Variants in SLC25A40 observed in about 807,000 individuals in gnomAD.
SLC25A40 encodes mitochondrial glutathione transporter SLC25A40.
In SLC25A40, 41 loss-of-function variants were observed where a neutral mutation model predicts 46.5. The observed-to-expected ratio is 0.88, with a 90% CI of 0.69 to 1.14. The LOEUF (loss-of-function observed/expected upper bound fraction) is 1.14. Ranked by LOEUF, SLC25A40 falls within the 50% of genes most tolerant of loss-of-function variation. The pLI is 0.00. For missense variants in SLC25A40, 386 were observed against 393.6 expected (o/e 0.98, Z 0.16); for synonymous variants, 126 against 127.5 (o/e 0.99, Z 0.08).
intron 8 of SLC25A40, among the ~76,000 whole-genome samples, chr7:87,845,695 A>C (rs1289117415): frequency 6.6e-6 from 1 of 152,110 alleles, no homozygotes; most frequent in Admixed American, 6.5e-5. Context: ...TGAAATTGAA[A>C]ACCTATTTCA....
chr7:87,868,483 C>T (rs1385329755), intron 1 of SLC25A40, among the ~76,000 whole-genome samples: 2 of 152,190 alleles, frequency 1.3e-5, no homozygotes, highest in African/African-American at 4.8e-5. Context: ...AAGACTGCCT[C>T]CCCACCTTCA....
At chr7:87,854,409 T>C (rs1838570335) in intron 4 of SLC25A40, 99 bp from the exon 5 acceptor site, 1 of 693,894 alleles carries the variant, frequency 1.4e-6, no homozygotes, top group Admixed American at 2.7e-5. Context: ...ACTAGAAAAT[T>C]ACGAAAAGAG....
At chr7:87,857,004 ACAT>A (rs1838624742) in intron 3 of SLC25A40, among the ~76,000 whole-genome samples, 1 of 152,200 alleles carries the variant, frequency 6.6e-6, no homozygotes, top group Admixed American at 6.5e-5. Context: ...ACCTGAAAAT[ACAT>A]CATAAGCAAT....
At chr7:87,852,644 A>G (rs1211960511) in intron 5 of SLC25A40, among the ~76,000 whole-genome samples, 2 of 152,246 alleles carry the variant, frequency 1.3e-5, no homozygotes, top group African/African-American at 2.4e-5. Flanking sequence ...AGGTGCAATA[A>G]TTAGGACTGT....
intron 1 of SLC25A40, among the ~76,000 whole-genome samples, chr7:87,863,067 T>C (rs1285952849): frequency 1.3e-5 from 2 of 152,230 alleles, no homozygotes; most frequent in Non-Finnish European, 2.9e-5. Context: ...TGCATATTTT[T>C]ATCAGTAGTA....
At chr7:87,841,808 A>AATT in intron 9 of SLC25A40, 94 bp from the exon 10 acceptor site, 1 of 616,762 alleles carries the variant, frequency 1.6e-6, no homozygotes, top group South Asian at 3.5e-5. Flanking sequence ...ATTTAAGGAT[A>AATT]ATGAAAACAA....
chr7:87,848,386 G>C (rs1202524325), intron 6 of SLC25A40, among the ~76,000 whole-genome samples: 1 of 152,096 alleles, frequency 6.6e-6, no homozygotes, highest in Non-Finnish European at 1.5e-5. Flanking sequence ...TTTAGGGACA[G>C]AGCAAGACTG....
Position 87,834,278 on chromosome 7 carries a change from A to C in SLC25A40, c.*1971T>G, listed in dbSNP as rs1390336785. 5.3e-5 allele frequency: 8 copies of C among 151,858 alleles called. No individual in the cohort carries two copies. The highest frequency in any genetic ancestry group is 5.3e-4 in the Admixed American group (8 of 15,192). 9.4% of individuals were successfully genotyped at this position (151,858 alleles called of 1,614,324 possible). A position where few individuals can be genotyped will look rare whatever the true frequency, so the allele number is the denominator to read the frequency against. ...TCAGACAGAACTCTGAGAGCAAATT[A>C]AAATTTTAAAATTTTACCTATTCCA... On this transcript the variant is annotated 3_prime_UTR_variant, in exon 12 of 12. Coordinates refer to ENST00000341119, the MANE Select transcript of SLC25A40 (RefSeq NM_018843.4).
intron 3 of SLC25A40, 78 bp from the exon 4 acceptor site, chr7:87,856,429 C>A: frequency 9.6e-7 from 1 of 1,042,026 alleles, no homozygotes; most frequent in Non-Finnish European, 1.5e-6. Flanking sequence ...ACACAAAATA[C>A]ATTGATTCAT....
chr7:87,854,121 A>T, intron 5 of SLC25A40, 83 bp downstream of exon 5: 1 of 923,388 alleles, frequency 1.1e-6, no homozygotes, highest in Non-Finnish European at 1.7e-6. Flanking sequence ...TATGATTCTT[A>T]ACCCTCTTGC....
intron 2 of SLC25A40, among the ~76,000 whole-genome samples, chr7:87,859,125 G>C (rs1462785591): frequency 6.6e-6 from 1 of 152,102 alleles, no homozygotes; most frequent in Non-Finnish European, 1.5e-5. Flanking sequence ...AGATAATACA[G>C]AACAGTATAA....
At chr7:87,865,948 T>G (rs972032856) in intron 1 of SLC25A40, among the ~76,000 whole-genome samples, 3 of 151,950 alleles carry the variant, frequency 2.0e-5, no homozygotes, top group African/African-American at 7.3e-5. Flanking sequence ...CCAGGTGTGG[T>G]GGCACACACC....
intron 5 of SLC25A40, among the ~76,000 whole-genome samples, chr7:87,852,975 G>C (rs907898893): frequency 6.6e-6 from 1 of 152,088 alleles, no homozygotes; most frequent in Non-Finnish European, 1.5e-5. Flanking sequence ...ACCTATAAAA[G>C]ATATTAATAA....
intron 1 of SLC25A40, among the ~76,000 whole-genome samples, chr7:87,873,545 G>A (rs1838926964): frequency 6.7e-6 from 1 of 149,256 alleles, no homozygotes; most frequent in African/African-American, 2.5e-5. Flanking sequence ...TGATTCTCCT[G>A]CCTCAGCCTC....
intron 10 of SLC25A40, among the ~76,000 whole-genome samples, chr7:87,840,271 C>T (rs1838312049): frequency 6.6e-6 from 1 of 151,662 alleles, no homozygotes; most frequent in Non-Finnish European, 1.5e-5. Flanking sequence ...ATATCACCAT[C>T]ACTTAGGGAT....
rs1359655934 is a variant in SLC25A40, at chr7:87,858,661, A to G, written c.67T>C (p.Cys23Arg). 1 of 1,611,136 alleles carries G rather than the reference A, an allele frequency of 6.2e-7. No homozygotes were observed. Among genetic ancestry groups the G allele is most frequent in the Admixed American group, 1.7e-5 (1 of 60,026 alleles). ...VTPLQQMLASCTGAILTSVIV... is the reference protein window; with the variant it reads ...VTPLQQMLASRTGAILTSVIV... Reference sequence around the variant, plus strand: ...ACTGATGTCAGTATAGCTCCAGTACATGAGGCAAGCATTTGTTGAAGAGGT... The same window carrying G: ...ACTGATGTCAGTATAGCTCCAGTACGTGAGGCAAGCATTTGTTGAAGAGGT... The change falls in exon 3 of 12, where the codon TGT (cysteine) becomes CGT (arginine). Residue 23 changes from cysteine to arginine, a missense_variant. Physicochemically the swap from Cys to Arg is radical, Grantham distance 180 (BLOSUM62 -3). Coordinates refer to ENST00000341119, the MANE Select transcript of SLC25A40 (RefSeq NM_018843.4).
chr7:87,856,534 T>C (rs1163564312), intron 3 of SLC25A40, 183 bp from the exon 4 acceptor site: 14 of 659,102 alleles, frequency 2.1e-5, no homozygotes, highest in African/African-American at 3.6e-5. Flanking sequence ...ATTTTGTTAA[T>C]CAGTGAAAGA....
chr7:87,871,617 G>T (rs1838896969), intron 1 of SLC25A40, among the ~76,000 whole-genome samples: 1 of 152,176 alleles, frequency 6.6e-6, no homozygotes, highest in South Asian at 2.1e-4. Flanking sequence ...TTTTGGTCTG[G>T]TTACATGGTG....
chr7:87,854,370 G>A lies in SLC25A40; in HGVS notation c.158-60C>T, dbSNP rs576366179. ...TCACATAACTGTTATTATTTTTACA[G>A]ATGAACAAATTGACATCACAATGAG... On this transcript the variant is annotated intron_variant, in intron 4 of 11. Transcript: ENST00000341119. 6 of 992,240 alleles carry A rather than the reference G, an allele frequency of 6.0e-6. No homozygotes were observed. The African/African-American group carries it at 6.6e-5, about 11-fold the overall frequency. 61.5% of individuals were successfully genotyped at this position (992,240 alleles called of 1,614,324 possible).
Sources: allele counts gnomAD v4.1 joint callset (sites outside exome capture counted in the v4.1 genomes callset), GRCh38; gene constraint gnomAD v4.1.1; transcripts MANE v1.5; gene names NCBI Gene and HGNC (gene_info 2026-07-23, HGNC 2026-07-21).